The following RBM6 variants were observed in gnomAD, a reference collection of about 807,000 sequenced individuals.
The protein encoded by RBM6 is RNA binding motif protein 6, also known as RNA-binding protein 6.
In RBM6, 23 loss-of-function variants were observed where a neutral mutation model predicts 140.4. The observed-to-expected ratio is 0.16, with a 90% confidence interval of 0.12 to 0.23. The LOEUF is 0.23. Ranked by LOEUF, RBM6 falls within the 10% of genes least tolerant of loss-of-function variation. The pLI is 1.00. For missense variants in RBM6, 1,139 were observed against 1,386.7 expected (o/e 0.82, Z 2.84); for synonymous variants, 439 against 475.6 (o/e 0.92, Z 1.00).
At chr3:49,958,847 G>A (rs2084140569) in intron 1 of RBM6, among the ~76,000 whole-genome samples, 1 of 140,694 alleles carries the variant, frequency 7.1e-6, no homozygotes, top group African/African-American at 2.7e-5. Flanking sequence ...AGTGCTGAGT[G>A]CCATGGCATG....
At chr3:50,004,179 G>C (rs1008262339) in intron 6 of RBM6, among the ~76,000 whole-genome samples, 1 of 152,144 alleles carries the variant, frequency 6.6e-6, no homozygotes, top group African/African-American at 2.4e-5. Flanking sequence ...GGCCAAATTA[G>C]TCACTAAAGT....
chr3:50,058,306 C>A lies in RBM6; in HGVS notation c.1970-96C>A, dbSNP rs1298640530. ...TTTACAGAACCAGCCTTGCTAGTAG[C>A]ATCTATAGTAAAAAATGACAGTCAG... On this transcript the variant is annotated intron_variant, in intron 9 of 20. Coordinates refer to ENST00000266022, the MANE Select transcript of RBM6 (RefSeq NM_005777.3). 6 of 1,336,908 alleles carry A rather than the reference C, an allele frequency of 4.5e-6. No individual in the cohort carries two copies. The African/African-American group carries it at 8.7e-5, about 19-fold the overall frequency. The allele number at this position is 1,336,908 out of a possible 1,614,324, so 82.8% of individuals were successfully genotyped here.
At position 49,968,127 on chromosome 3, in the gene RBM6, C is replaced by T. The variant is rs2084591506; in HGVS notation, c.702C>T (p.Asp234=). The change falls in exon 3 of 21, where the codon GAC becomes GAT. Residue 234 remains aspartate, a synonymous_variant. Transcript: ENST00000266022. The stretch of plus-strand genomic sequence containing the variant: ...GAGACAAAGACGGAACACAAGTAGA[C>T]TTTAGAGGCCGAGGTTCAGGTACTA... ...DFRDKDGTQV[D]FRGRGSGTTD... is the part of the protein sequence containing the mutation. 6.2e-7 allele frequency: 1 copy of T among 1,613,996 alleles called. No individual in the cohort carries two copies. Among genetic ancestry groups the T allele is most frequent in the Non-Finnish European group, 8.5e-7 (1 of 1,180,038 alleles).
At chr3:50,027,676 T>G (rs145597486) in intron 6 of RBM6, among the ~76,000 whole-genome samples, 1 of 152,376 alleles carries the variant, frequency 6.6e-6, no homozygotes, top group African/African-American at 2.4e-5. Flanking sequence ...AGTACTTAAA[T>G]CATTTATAGG....
chr3:49,960,338 A>T (rs1158331756), intron 1 of RBM6, among the ~76,000 whole-genome samples: 1 of 152,166 alleles, frequency 6.6e-6, no homozygotes, highest in Non-Finnish European at 1.5e-5. Flanking sequence ...TCTTCATTGG[A>T]TATTTGCTTG....
chr3:49,999,542 T>TGGA (rs1197883558), intron 6 of RBM6, 29 bp downstream of exon 6: 1 of 1,544,000 alleles, frequency 6.5e-7, no homozygotes, highest in South Asian at 1.1e-5. Flanking sequence ...CAAATGATGC[T>TGGA]GGAAGGATAT....
At chr3:50,041,908 T>C (rs2088941292) in intron 6 of RBM6, among the ~76,000 whole-genome samples, 1 of 152,204 alleles carries the variant, frequency 6.6e-6, no homozygotes, top group African/African-American at 2.4e-5. Flanking sequence ...GTGTCATGAA[T>C]GGACTGACTC....
Position 50,057,717 on chromosome 3 carries a change from T to C in RBM6, c.1694-11T>C. 1 of 1,603,844 alleles carries C rather than the reference T, an allele frequency of 6.2e-7. No homozygotes were observed. Among genetic ancestry groups the C allele is most frequent in the Non-Finnish European group, 8.5e-7 (1 of 1,175,646 alleles). ...GCTTTCTAGAGATTCTCTTTGTTTCTGTTCCACTAGTGACAGAGGCCAAGC... is the reference window on the plus strand; with the variant it reads ...GCTTTCTAGAGATTCTCTTTGTTTCCGTTCCACTAGTGACAGAGGCCAAGC... On this transcript the variant is annotated splice_polypyrimidine_tract_variant and intron_variant, in intron 8 of 20. Transcript: ENST00000266022.
At chr3:50,007,802 G>T (rs561558785) in intron 6 of RBM6, among the ~76,000 whole-genome samples, 11 of 152,246 alleles carry the variant, frequency 7.2e-5, no homozygotes, top group African/African-American at 2.6e-4. Flanking sequence ...CAAAGTGCTG[G>T]GATTACAGGC....
chr3:50,061,785 G>A, intron 14 of RBM6, 177 bp from the exon 15 acceptor site: 1 of 1,264,812 alleles, frequency 7.9e-7, no homozygotes, highest in Non-Finnish European at 1.1e-6. Context: ...GTGGACAGTG[G>A]GTGGTCTGAA....
At chr3:50,052,359 C>A (rs897323710) in intron 7 of RBM6, among the ~76,000 whole-genome samples, 1 of 152,182 alleles carries the variant, frequency 6.6e-6, no homozygotes, top group Non-Finnish European at 1.5e-5. Context: ...GCCATCATGC[C>A]AGGCCTGTTT....
intron 6 of RBM6, among the ~76,000 whole-genome samples, chr3:50,023,627 T>G (rs2087633980): frequency 6.6e-6 from 1 of 151,552 alleles, no homozygotes; most frequent in African/African-American, 2.4e-5. Flanking sequence ...ACTCTGGCAT[T>G]ATACGCTCAC....
chr3:50,007,588 G>C (rs1042818101), intron 6 of RBM6, among the ~76,000 whole-genome samples: 2 of 149,908 alleles, frequency 1.3e-5, no homozygotes, highest in Admixed American at 6.6e-5. Context: ...GTTGGAGTGC[G>C]GTGGCGTGAT....
In RBM6 at chr3:49,985,634, C is replaced by T. The variant is rs551402253; in HGVS notation, c.1483+10242C>T. Among the ~76,000 whole-genome samples, 17 of 152,038 alleles carry T rather than the reference C, an allele frequency of 1.1e-4. No homozygotes were observed. The East Asian group carries it at 2.1e-3, about 19-fold the overall frequency. On this transcript the variant is annotated intron_variant, in intron 5 of 20. Coordinates refer to ENST00000266022, the MANE Select transcript of RBM6 (RefSeq NM_005777.3). ...TTTTTATTTTTATTTTGAGATAGAGCCTCACTCTGTCGCCCAGGCTGGAGT... is the reference window on the plus strand; with the variant it reads ...TTTTTATTTTTATTTTGAGATAGAGTCTCACTCTGTCGCCCAGGCTGGAGT...
intron 6 of RBM6, among the ~76,000 whole-genome samples, chr3:50,012,960 A>G (rs1321310427): frequency 6.7e-6 from 1 of 150,266 alleles, no homozygotes; most frequent in Non-Finnish European, 1.5e-5. Flanking sequence ...TCAGGCTGGT[A>G]TTGAACTCCC....
At chr3:50,015,353 G>A (rs918142578) in intron 6 of RBM6, among the ~76,000 whole-genome samples, 26 of 150,968 alleles carry the variant, frequency 1.7e-4, no homozygotes, top group South Asian at 8.3e-4. Flanking sequence ...TGGTCTGCCC[G>A]CCTCAGCCTC....
chr3:50,047,248 C>T (rs1278186669), intron 6 of RBM6: 1 of 984,772 alleles, frequency 1.0e-6, no homozygotes, highest in African/African-American at 1.7e-5. Context: ...ACTCAGAGCC[C>T]TGTCTGAGGA....
rs1553645347 is a variant in RBM6 at position 49,991,953 on chromosome 3, T to TTTATTTTATTTTATTTATG, written c.1484-7486_1484-7485insTATTTTATTTTATTTATGT. Among the ~76,000 whole-genome samples the TTTATTTTATTTTATTTATG allele has an allele frequency of 3.7e-3, 562 of 151,502 alleles. 4 individuals carry two copies. Among genetic ancestry groups the TTTATTTTATTTTATTTATG allele is most frequent in the East Asian group, 0.013 (68 of 5,168 alleles). ...TTTTATTTTATTTTATTTTATTTAT[T>TTTATTTTATTTTATTTATG]TATTTATTTATTTTTTGAGGCAGAG... On this transcript the variant is annotated intron_variant, in intron 5 of 20. Transcript: ENST00000266022.
rs561919081 is a variant in RBM6 at position 49,967,386 on chromosome 3, G to T, written c.45-84G>T. ...AAAAAAAAAATGTTTACAGAAGAAT[G>T]TGCTGTGATTAGAGAAGAATATGCT... On this transcript the variant is annotated intron_variant, in intron 2 of 20. Coordinates refer to ENST00000266022, the MANE Select transcript of RBM6 (RefSeq NM_005777.3). This position sits in a 1 kb window ranked among gnomAD's most constrained non-coding sequence, Gnocchi z 4.0. 6.6e-7 allele frequency: 1 copy of T among 1,521,866 alleles called. No individual in the cohort carries two copies. Among genetic ancestry groups the T allele is most frequent in the Admixed American group, 2.2e-5 (1 of 45,560 alleles). 94.3% of individuals were successfully genotyped at this position (1,521,866 alleles called of 1,614,324 possible).
Sources: gnomAD v4.1 joint callset for allele counts (sites outside exome capture counted in the v4.1 genomes callset) on GRCh38, gnomAD v4.1.1 for gene constraint, Gnocchi (gnomAD v3.1) non-coding constraint, MANE v1.5 for transcripts, NCBI Gene and HGNC (gene_info 2026-07-23, HGNC 2026-07-21) for gene names.